The following DNM3 variants were observed in gnomAD, a reference collection of about 807,000 sequenced individuals.
DNM3 encodes the protein dynamin 3.
A neutral mutation model predicts 101.6 loss-of-function variants in DNM3; 47 were observed. That is an observed-to-expected ratio of 0.46 (90% CI 0.37 to 0.59). The LOEUF (loss-of-function observed/expected upper bound fraction) is 0.59, where lower values mean the gene tolerates loss of function less well. Among genes scored for constraint, DNM3 ranks in the 20% least tolerant of loss-of-function variants. DNM3 has a pLI of 0.00. For synonymous variants in DNM3, 385 were observed against 387.9 expected (o/e 0.99, Z 0.09); for missense variants, 849 against 1,085.7 (o/e 0.78, Z 3.06).
chr1:172,146,299 A>G (rs2057895204), intron 14 of DNM3, among the ~76,000 whole-genome samples: 1 of 152,196 alleles, frequency 6.6e-6, no homozygotes, highest in Non-Finnish European at 1.5e-5. Flanking sequence ...GAATCATTAA[A>G]TAGCACACTA....
chr1:172,257,877 AAC>A (rs56955112), intron 15 of DNM3, among the ~76,000 whole-genome samples: 28,008 of 144,458 alleles, frequency 0.19, 2,588 homozygotes, highest in East Asian at 0.24. Context: ...AACCCCCACC[AAC>A]ACACACACAC....
At chr1:171,900,078 C>A (rs146244560) in intron 1 of DNM3, among the ~76,000 whole-genome samples, 1 of 152,134 alleles carries the variant, frequency 6.6e-6, no homozygotes, top group Non-Finnish European at 1.5e-5. Flanking sequence ...AAGTAATTTA[C>A]GAGGGCTTAA....
At chr1:172,166,675 T>C (rs1238958369) in intron 14 of DNM3, among the ~76,000 whole-genome samples, 1 of 152,108 alleles carries the variant, frequency 6.6e-6, no homozygotes, top group Non-Finnish European at 1.5e-5. Flanking sequence ...GAATTAATTA[T>C]ATGAATAATT....
At chr1:172,232,111 C>G (rs1316090358) in intron 14 of DNM3, among the ~76,000 whole-genome samples, 1 of 152,138 alleles carries the variant, frequency 6.6e-6, no homozygotes. Flanking sequence ...GATAAAGAGT[C>G]AAGACCCATC....
chr1:172,133,103 G>C, intron 14 of DNM3: 1 of 1,422,998 alleles, frequency 7.0e-7, no homozygotes, highest in Non-Finnish European at 9.1e-7. Flanking sequence ...GCATTGACAT[G>C]TTCCTGGGTG....
At chr1:172,114,739 C>T (rs1052162731) in intron 13 of DNM3, among the ~76,000 whole-genome samples, 1 of 152,032 alleles carries the variant, frequency 6.6e-6, no homozygotes, top group Non-Finnish European at 1.5e-5. Context: ...GATTGAGGCT[C>T]CGAGAGGTTA....
At chr1:172,347,791 G>C (rs1480769884) in intron 17 of DNM3, among the ~76,000 whole-genome samples, 1 of 152,138 alleles carries the variant, frequency 6.6e-6, no homozygotes, top group African/African-American at 2.4e-5. Flanking sequence ...AGCACTGTTT[G>C]TAATAGTGAA....
chr1:172,247,172 G>A (rs922690248), intron 14 of DNM3, among the ~76,000 whole-genome samples: 13 of 152,062 alleles, frequency 8.5e-5, no homozygotes, highest in Admixed American at 4.6e-4. Flanking sequence ...GGTACTTCGC[G>A]TGTGGTCTAC....
chr1:172,318,628 C>A (rs930352661), intron 16 of DNM3, among the ~76,000 whole-genome samples: 14 of 152,114 alleles, frequency 9.2e-5, no homozygotes, highest in Non-Finnish European at 2.1e-4. Context: ...GAGTGAACTA[C>A]CATTCACAAT....
chr1:172,334,103 A>G (rs2066312651), intron 17 of DNM3, among the ~76,000 whole-genome samples: 1 of 152,178 alleles, frequency 6.6e-6, no homozygotes, highest in Non-Finnish European at 1.5e-5. Context: ...ACCACAATTA[A>G]TCCCCCAATT....
chr1:172,292,621 A>ACG (rs929615131), intron 15 of DNM3, among the ~76,000 whole-genome samples: 10 of 149,876 alleles, frequency 6.7e-5, no homozygotes, highest in South Asian at 4.3e-4. Flanking sequence ...ACACACACAC[A>ACG]CACGCGCGTG....
intron 10 of DNM3, among the ~76,000 whole-genome samples, chr1:172,064,625 T>C (rs1169275204): frequency 1.3e-5 from 2 of 152,100 alleles, no homozygotes; most frequent in Non-Finnish European, 2.9e-5. Flanking sequence ...CCTCTGTATG[T>C]ATGTATCTTA....
At chr1:172,019,939 C>G (rs140671209) in intron 4 of DNM3, among the ~76,000 whole-genome samples, 1 of 151,576 alleles carries the variant, frequency 6.6e-6, no homozygotes, top group African/African-American at 2.4e-5. Context: ...TATTCCCAGT[C>G]TGATAACTCT....
chr1:172,299,563 T>G (rs2064336156), intron 15 of DNM3, among the ~76,000 whole-genome samples: 1 of 152,102 alleles, frequency 6.6e-6, no homozygotes, highest in African/African-American at 2.4e-5. Context: ...TAATCCCCAG[T>G]GTCTATTGTT....
chr1:172,281,541 C>T (rs1351997772), intron 15 of DNM3, among the ~76,000 whole-genome samples: 2 of 152,148 alleles, frequency 1.3e-5, no homozygotes, highest in Non-Finnish European at 2.9e-5. Context: ...TTTGCCTCTA[C>T]AAAGTAGCTT....
rs1208398560 is a variant in DNM3, at chr1:172,412,656, A to G, written c.*4815A>G. 1 of 985,546 alleles carries G rather than the reference A, an allele frequency of 1.0e-6. No homozygotes were observed. The highest frequency in any genetic ancestry group is 1.2e-6 in the Non-Finnish European group (1 of 829,652). 61.1% of individuals were successfully genotyped at this position (985,546 alleles called of 1,614,324 possible). On this transcript the variant is annotated 3_prime_UTR_variant, in exon 21 of 21. Coordinates refer to ENST00000627582, the MANE Select transcript of DNM3 (RefSeq NM_015569.5). The stretch of plus-strand genomic sequence containing the variant: ...TGTATCGTTCTTGAAGGTCACATGT[A>G]CCTATTGTGAAAATGTGAAGCTGTA...
rs1008648466 is a variant in DNM3 at position 172,044,993 on chromosome 1, T to G, written c.1196+541T>G. ...GATGAGACAGGAGAGGATGGAAGGA[T>G]GGAATGGAGGTTGTTGAGGATAAAA... On this transcript the variant is annotated intron_variant, in intron 9 of 20. Coordinates refer to ENST00000627582, the MANE Select transcript of DNM3 (RefSeq NM_015569.5). Among the ~76,000 whole-genome samples, 4 of 85,808 alleles carry G rather than the reference T, an allele frequency of 4.7e-5. No individual in the cohort carries two copies. The South Asian group carries it at 2.2e-3, about 47-fold the overall frequency. The allele number at this position is 85,808 out of a possible 152,430, so 56.3% of individuals were successfully genotyped here. A position where few individuals can be genotyped will look rare whatever the true frequency, so the allele number is the denominator to read the frequency against.
chr1:172,209,371 G>T (rs1026883414), intron 14 of DNM3, among the ~76,000 whole-genome samples: 3 of 151,878 alleles, frequency 2.0e-5, no homozygotes, highest in African/African-American at 7.3e-5. Flanking sequence ...CCCAGTCTGT[G>T]GTGTATTGTT....
intron 12 of DNM3, among the ~76,000 whole-genome samples, chr1:172,085,529 T>C (rs1007275619): frequency 2.0e-5 from 3 of 152,136 alleles, no homozygotes; most frequent in African/African-American, 7.2e-5. Context: ...TATAGATATG[T>C]GCCGTTAGAG....
Sources: gnomAD v4.1 joint callset for allele counts (sites outside exome capture counted in the v4.1 genomes callset) on GRCh38, gnomAD v4.1.1 for gene constraint, MANE v1.5 for transcripts, NCBI Gene and HGNC (gene_info 2026-07-23, HGNC 2026-07-21) for gene names.